Variants in MYLK3 observed in about 807,000 individuals in gnomAD.
MYLK3 encodes the protein MLC kinase.
In MYLK3, 55 loss-of-function variants were observed where a neutral mutation model predicts 76.3. The observed-to-expected ratio is 0.72, with a 90% confidence interval of 0.58 to 0.90. MYLK3 has a LOEUF of 0.90. Ranked by LOEUF, MYLK3 falls within the 40% of genes least tolerant of loss-of-function variation. The probability of loss-of-function intolerance (pLI) is 0.00; values close to 1 mark genes in which losing one functional copy is unlikely to be tolerated. For synonymous variants in MYLK3, 416 were observed against 425.4 expected (o/e 0.98, Z 0.27); for missense variants, 973 against 1,053.6 (o/e 0.92, Z 1.06).
chr16:46,754,696 A>G (rs1287154676), intron 1 of MYLK3, among the ~76,000 whole-genome samples: 1 of 152,208 alleles, frequency 6.6e-6, no homozygotes, highest in Non-Finnish European at 1.5e-5. Context: ...GGTATTTCTG[A>G]AAATAGACTA....
intron 3 of MYLK3, among the ~76,000 whole-genome samples, chr16:46,736,908 G>T (rs958931327): frequency 6.6e-6 from 1 of 152,158 alleles, no homozygotes; most frequent in Non-Finnish European, 1.5e-5. Context: ...TCTTTACTCT[G>T]CTACAGACAT....
intron 9 of MYLK3, among the ~76,000 whole-genome samples, 168 bp from the exon 10 acceptor site, chr16:46,712,944 A>G (rs1221753230): frequency 6.6e-6 from 1 of 152,194 alleles, no homozygotes; most frequent in African/African-American, 2.4e-5. Flanking sequence ...ATCAGATCCC[A>G]GGCCCCAAAC....
chr16:46,730,487 C>G, intron 5 of MYLK3, 106 bp downstream of exon 5: 1 of 900,726 alleles, frequency 1.1e-6, no homozygotes, highest in African/African-American at 1.6e-5. Flanking sequence ...TCCATCAGCT[C>G]GAGAGAGAGT....
chr16:46,756,917 G>A (rs886953916), intron 1 of MYLK3, among the ~76,000 whole-genome samples: 4 of 152,112 alleles, frequency 2.6e-5, no homozygotes, highest in African/African-American at 9.7e-5. Flanking sequence ...CCGTCTGACC[G>A]CAGACGGTCA....
At chr16:46,738,676 T>C (rs746833514) in intron 2 of MYLK3, among the ~76,000 whole-genome samples, 2 of 152,264 alleles carry the variant, frequency 1.3e-5, no homozygotes, top group African/African-American at 2.4e-5. Context: ...AGGGAGCATG[T>C]GTGAGTGTGC....
chr16:46,736,366 C>A lies in MYLK3; in HGVS notation c.1001+1345G>T, dbSNP rs115763302. ...TCAGAGCTGATACTTGACTTCCAAC[C>A]TATTTTCCTCAAAATACACCCATGT... is the stretch of plus-strand genomic sequence containing the variant. On this transcript the variant is annotated intron_variant, in intron 3 of 12. Coordinates refer to ENST00000394809, the MANE Select transcript of MYLK3 (RefSeq NM_182493.3). Among the ~76,000 whole-genome samples, 641 of 152,318 alleles carry A rather than the reference C, an allele frequency of 4.2e-3. 5 individuals carry two copies. The highest frequency in any genetic ancestry group is 0.015 in the African/African-American group (610 of 41,564).
rs571434659 is a variant in MYLK3, at chr16:46,732,372, C to G, written c.1298G>C (p.Ser433Thr). 2 of 1,613,674 alleles carry G rather than the reference C, an allele frequency of 1.2e-6. No individual in the cohort carries two copies. Among genetic ancestry groups the G allele is most frequent in the Admixed American group, 1.7e-5 (1 of 60,030 alleles). Reference protein sequence around the residue: ...EPGTRPSLARSDDNDHEVGAL... With the variant: ...EPGTRPSLARTDDNDHEVGAL... ...CCCAACCTCGTGGTCATTGTCGTCA[C>G]TCCTGGCCAAGCTTGGTCTCGTGCC... Residue 433 changes from serine to threonine, a missense_variant, in exon 4 of 13, where the codon AGT (serine) becomes ACT (threonine). Around this residue, in one of 2 missense-constraint regions of MYLK3, gnomAD observed 641 missense variants for 637.0 expected, o/e 1.01. Transcript: ENST00000394809.
chr16:46,724,106 G>C (rs1052235386), intron 8 of MYLK3, among the ~76,000 whole-genome samples: 2 of 152,100 alleles, frequency 1.3e-5, no homozygotes, highest in Non-Finnish European at 2.9e-5. Flanking sequence ...TGTTTTCATT[G>C]GATAAATATC....
At chr16:46,755,414 C>A (rs1396471060) in intron 1 of MYLK3, among the ~76,000 whole-genome samples, 2 of 150,698 alleles carry the variant, frequency 1.3e-5, no homozygotes, top group Admixed American at 6.6e-5. Flanking sequence ...GCCGAGATTG[C>A]GCCATTGCAC....
Position 46,702,721 on chromosome 16 carries a change from A to G in MYLK3, c.*4983T>C, listed in dbSNP as rs1238452740. On this transcript the variant is annotated 3_prime_UTR_variant, in exon 13 of 13. Coordinates refer to ENST00000394809, the MANE Select transcript of MYLK3 (RefSeq NM_182493.3). ...CAGATCACGAGGTCAAGAGATCGAGACCATCCTGGCCAGCATGGTGAAAGC... is the reference window on the plus strand; with the variant it reads ...CAGATCACGAGGTCAAGAGATCGAGGCCATCCTGGCCAGCATGGTGAAAGC... Among the ~76,000 whole-genome samples, 1 of 152,094 alleles carries G rather than the reference A, an allele frequency of 6.6e-6. No homozygotes were observed. The highest frequency in any genetic ancestry group is 2.4e-5 in the African/African-American group (1 of 41,426).
rs774862265 is a variant in MYLK3, at chr16:46,747,913, A to G, written c.281T>C (p.Leu94Pro). 4 of 1,613,778 alleles carry G rather than the reference A, an allele frequency of 2.5e-6. No homozygotes were observed. In the South Asian group the frequency reaches 4.4e-5, roughly 18 times the overall value. ...CTGCTGCATGGCCCTCACCAGCTCCAGGACCTCGGGCCACCCAGCCTGGGT... is the reference window on the plus strand; with the variant it reads ...CTGCTGCATGGCCCTCACCAGCTCCGGGACCTCGGGCCACCCAGCCTGGGT... The part of the protein sequence containing the change: ...IDTQAGWPEV[L>P]ELVRAMQQDA... The change falls in exon 1 of 13, where the codon CTG becomes CCG. Residue 94 changes from leucine to proline, a missense_variant. Transcript: ENST00000394809.
At chr16:46,709,455 A>AG in intron 12 of MYLK3, 84 bp downstream of exon 12, 3 of 1,466,964 alleles carry the variant, frequency 2.0e-6, no homozygotes, top group Non-Finnish European at 2.8e-6. Context: ...AAAAAAAAAA[A>AG]AGAAAAGGAA....
chr16:46,714,796 G>A (rs1045435949), intron 9 of MYLK3, among the ~76,000 whole-genome samples: 1 of 152,186 alleles, frequency 6.6e-6, no homozygotes, highest in Non-Finnish European at 1.5e-5. Flanking sequence ...GAGGGCACAC[G>A]GAGCAGACCC....
At chr16:46,738,793 G>A (rs978971955) in intron 2 of MYLK3, among the ~76,000 whole-genome samples, 15 of 152,222 alleles carry the variant, frequency 9.9e-5, no homozygotes, top group Admixed American at 9.8e-4. Flanking sequence ...CATATCAGGG[G>A]AGGAAGCAGG....
At chr16:46,755,458 CAAA>C (rs764545267) in intron 1 of MYLK3, among the ~76,000 whole-genome samples, 2 of 87,342 alleles carry the variant, frequency 2.3e-5, no homozygotes, top group Non-Finnish European at 4.7e-5. Flanking sequence ...AACTCTGTCT[CAAA>C]AAAAAAAAAA....
At chr16:46,737,437 A>G (rs566044440) in intron 3 of MYLK3, among the ~76,000 whole-genome samples, 1 of 152,182 alleles carries the variant, frequency 6.6e-6, no homozygotes, top group Non-Finnish European at 1.5e-5. Flanking sequence ...AGCATGTAAA[A>G]AAGAAAAATC....
chr16:46,747,881 C>T lies in MYLK3; in HGVS notation c.313G>A (p.Ala105Thr), dbSNP rs1456584642. The T allele has an allele frequency of 6.2e-7, 1 of 1,614,036 alleles. No individual in the cohort carries two copies. Among genetic ancestry groups the T allele is most frequent in the East Asian group, 2.2e-5 (1 of 44,886 alleles). Reference protein sequence around the residue: ...ELVRAMQQDAAQHGARLEALF... With the variant: ...ELVRAMQQDATQHGARLEALF... ...GCCTCCAGCCTGGCACCGTGCTGGG[C>T]CGCATCCTGCTGCATGGCCCTCACC... is the stretch of plus-strand genomic sequence containing the variant. The change falls in exon 1 of 13, where the codon GCC (alanine) becomes ACC (threonine). Residue 105 changes from alanine (A) to threonine (T), a missense_variant. This residue lies in a region of MYLK3 where 641 missense variants were observed against 637.0 expected (regional missense o/e 1.01). Transcript: ENST00000394809.
At chr16:46,715,635 T>G (rs945488528) in intron 9 of MYLK3, among the ~76,000 whole-genome samples, 2 of 152,146 alleles carry the variant, frequency 1.3e-5, no homozygotes, top group African/African-American at 4.8e-5. Flanking sequence ...TAAGATAATT[T>G]CCATTGTGTC....
At chr16:46,751,329 C>T (rs555159660), upstream of MYLK3, among the ~76,000 whole-genome samples, 10 of 152,196 alleles carry the variant, frequency 6.6e-5, no homozygotes, top group East Asian at 1.5e-3. Context: ...ATCACTTGAA[C>T]CTGGGAGACA....
Sources: gnomAD v4.1 joint callset for allele counts (sites outside exome capture counted in the v4.1 genomes callset) on GRCh38, gnomAD v4.1.1 for gene constraint, gnomAD v4.1.1 regional missense constraint, MANE v1.5 for transcripts, NCBI Gene and HGNC (gene_info 2026-07-23, HGNC 2026-07-21) for gene names.